LHB: variants seen among roughly 807,000 people sequenced by gnomAD.
The protein encoded by LHB is lutropin subunit beta.
In LHB, 11 loss-of-function variants were observed where a neutral mutation model predicts 10.6. That is an observed-to-expected ratio of 1.04 (90% CI 0.66 to 1.72). LHB has a LOEUF of 1.72. Ranked by LOEUF, LHB falls within the 40% of genes most tolerant of loss-of-function variation. The probability of loss-of-function intolerance (pLI) is 0.00; values close to 1 mark genes in which losing one functional copy is unlikely to be tolerated. For synonymous variants in LHB, 86 were observed against 83.1 expected, an observed-to-expected ratio of 1.03 and a Z score of -0.19; for missense variants, 184 against 197.3, an observed-to-expected ratio of 0.93 and a Z score of 0.41.
At chr19:49,019,227 A>G, upstream of LHB, 1 of 1,366,660 alleles carries the variant, frequency 7.3e-7, no homozygotes, top group South Asian at 1.8e-5. Context: ...CCTAAATCCA[A>G]GCACCTTCTG....
upstream of LHB, chr19:49,018,253 C>T (rs996732565): frequency 5.5e-5 from 52 of 941,942 alleles, no homozygotes; most frequent in Non-Finnish European, 7.0e-5. Context: ...AGGGCGGCCG[C>T]TGCGGGCCGT....
At chr19:49,017,784 G>C (rs1484532777), upstream of LHB, 4 of 403,442 alleles carry the variant, frequency 9.9e-6, no homozygotes, top group Non-Finnish European at 1.7e-5. Context: ...TCTGGACTTA[G>C]TCCCCTCTCC....
At chr19:49,016,999 C>G (rs2039566868) in intron 1 of LHB, 68 bp downstream of exon 1, 1 of 1,612,702 alleles carries the variant, frequency 6.2e-7, no homozygotes, top group African/African-American at 1.3e-5. Flanking sequence ...TCACACGGGT[C>G]TGCCCCTTCT....
At chr19:49,019,071 G>A, upstream of LHB, 3 of 1,462,834 alleles carry the variant, frequency 2.1e-6, no homozygotes, top group Non-Finnish European at 2.7e-6. Context: ...CCTGGGTCCC[G>A]AGTTCAGAAT....
chr19:49,019,188 C>T (rs899405374), upstream of LHB: 3 of 1,409,556 alleles, frequency 2.1e-6, no homozygotes, highest in Admixed American at 3.0e-5. Context: ...CTTCCTTTCT[C>T]ATACCCGAAC....
chr19:49,016,735 C>T, intron 1 of LHB, 21 bp from the exon 2 acceptor site: 1 of 1,609,712 alleles, frequency 6.2e-7, no homozygotes, highest in Non-Finnish European at 8.5e-7. Flanking sequence ...GACACTGCTT[C>T]ACCCAGGTCT....
upstream of LHB, chr19:49,017,932 TG>T: frequency 2.5e-6 from 1 of 398,208 alleles, no homozygotes; most frequent in Non-Finnish European, 4.4e-6. Flanking sequence ...AGCGCGGCCC[TG>T]GGGGCGGGTC....
upstream of LHB, chr19:49,018,075 G>A: frequency 2.5e-6 from 1 of 398,836 alleles, no homozygotes; most frequent in Non-Finnish European, 4.4e-6. Context: ...CCGCCCCAGG[G>A]CGCCTCCAGC....
chr19:49,018,987 C>G, upstream of LHB: 1 of 1,533,474 alleles, frequency 6.5e-7, no homozygotes, highest in South Asian at 1.2e-5. Context: ...GTTCTTCGTC[C>G]AGGCAATTAG....
rs768307547 is a variant in LHB at position 49,016,742 on chromosome 19, G to A, written c.16-28C>T. The A allele has an allele frequency of 8.1e-6, 13 of 1,607,816 alleles. No homozygotes were observed. The East Asian group carries it at 2.2e-4, about 28-fold the overall frequency. ...GGGACAAGGACACTGCTTCACCCAG[G>A]TCTGAGACCGCAGCCCCGAGTCCTG... On this transcript the variant is annotated intron_variant, in intron 1 of 2. Coordinates refer to ENST00000649238, the MANE Select transcript of LHB (RefSeq NM_000894.3).
At chr19:49,019,297 T>C, upstream of LHB, 1 of 1,207,518 alleles carries the variant, frequency 8.3e-7, no homozygotes, top group Non-Finnish European at 1.0e-6. Flanking sequence ...CTGGTTCCGC[T>C]CTGTCTTAAA....
chr19:49,018,899 C>T, upstream of LHB: 1 of 1,534,442 alleles, frequency 6.5e-7, no homozygotes, highest in South Asian at 1.2e-5. Flanking sequence ...AGTCCCGCGC[C>T]GAGGTGGTCA....
At chr19:49,016,923 A>G in intron 1 of LHB, 144 bp downstream of exon 1, 1 of 1,603,646 alleles carries the variant, frequency 6.2e-7, no homozygotes, top group African/African-American at 1.3e-5. Context: ...CCCCACCCTC[A>G]GGAACTGCCC....
upstream of LHB, chr19:49,019,019 G>A: frequency 6.5e-7 from 1 of 1,527,784 alleles, no homozygotes; most frequent in Non-Finnish European, 8.8e-7. Context: ...GATTGGGGGA[G>A]GAGGCATACC....
In LHB at chr19:49,016,051, G is replaced by T; in HGVS notation, c.*17C>A. ...TCCAGGAGTCGGGATGGACTTGGAA[G>T]GCTGCGGGGAGGGTCTTTAGAGGAA... On this transcript the variant is annotated 3_prime_UTR_variant, in exon 3 of 3. Coordinates refer to ENST00000649238, the MANE Select transcript of LHB (RefSeq NM_000894.3). 1 of 1,613,844 alleles carries T rather than the reference G, an allele frequency of 6.2e-7. No individual in the cohort carries two copies. Among genetic ancestry groups the T allele is most frequent in the Non-Finnish European group, 8.5e-7 (1 of 1,180,038 alleles).
At chr19:49,017,205 G>T (rs2039571058), upstream of LHB, 4 of 1,508,682 alleles carry the variant, frequency 2.7e-6, no homozygotes, top group Admixed American at 6.7e-5. Context: ...GGGGCGAGAG[G>T]TGCACATGGC....
upstream of LHB, chr19:49,017,723 G>T: frequency 2.1e-6 from 1 of 470,112 alleles, no homozygotes; most frequent in Non-Finnish European, 3.4e-6. Flanking sequence ...TATTTAATAC[G>T]CCCGCAGGGT....
upstream of LHB, chr19:49,019,453 A>G: frequency 8.0e-7 from 1 of 1,254,962 alleles, no homozygotes; most frequent in Non-Finnish European, 1.0e-6. Context: ...GCAGCTTAGG[A>G]GCCCTGAAGG....
upstream of LHB, chr19:49,018,227 C>T: frequency 1.5e-6 from 1 of 678,260 alleles, no homozygotes. Flanking sequence ...TCGGGGCGGC[C>T]GGGAGGAGCG....
Sources: allele counts gnomAD v4.1 joint callset, GRCh38; gene constraint gnomAD v4.1.1; transcripts MANE v1.5; gene names NCBI Gene and HGNC (gene_info 2026-07-23, HGNC 2026-07-21).